The following DTD1 variants were observed in gnomAD, a reference collection of about 807,000 sequenced individuals.
The protein encoded by DTD1 is D-tyrosyl-tRNA deacylase 1 homolog.
DTD1 carries 13 observed loss-of-function variants against 25.6 expected under a neutral mutation model. The observed-to-expected ratio is 0.51, with a 90% CI of 0.33 to 0.81. The LOEUF is 0.81. DTD1 is among the 30% of genes least tolerant of loss of function. The pLI, the probability that DTD1 is intolerant of heterozygous loss-of-function variation, is 0.02. For missense variants in DTD1, 193 were observed against 266.4 expected (o/e 0.72, Z 1.92); for synonymous variants, 110 against 103.6 (o/e 1.06, Z -0.37).
At chr20:18,621,796 G>A (rs1430652807) in intron 3 of DTD1, among the ~76,000 whole-genome samples, 3 of 152,094 alleles carry the variant, frequency 2.0e-5, no homozygotes, top group African/African-American at 7.2e-5. Context: ...CAGGCGTGGT[G>A]GCTCACGCCT....
intron 1 of DTD1, among the ~76,000 whole-genome samples, chr20:18,593,433 A>G (rs544068846): frequency 6.6e-6 from 1 of 152,326 alleles, no homozygotes; most frequent in South Asian, 2.1e-4. Context: ...ACTTGACCAT[A>G]GAAAATTTTG....
intron 3 of DTD1, among the ~76,000 whole-genome samples, chr20:18,596,450 C>T (rs1219390050): frequency 6.6e-6 from 1 of 152,216 alleles, no homozygotes; most frequent in Non-Finnish European, 1.5e-5. Context: ...GCCCTCCTCC[C>T]TTCTTCTGTT....
chr20:18,610,139 A>C (rs1362564429), intron 3 of DTD1, among the ~76,000 whole-genome samples: 8 of 152,262 alleles, frequency 5.3e-5, no homozygotes, highest in Non-Finnish European at 1.2e-4. Context: ...AGGCATTTTA[A>C]ATGGGTGAAC....
chr20:18,610,640 TG>T (rs1798863929), intron 3 of DTD1, among the ~76,000 whole-genome samples: 1 of 152,190 alleles, frequency 6.6e-6, no homozygotes, highest in South Asian at 2.1e-4. Flanking sequence ...CTGGGTATGG[TG>T]GCTCTTGCCT....
chr20:18,669,882 A>G (rs2060945539), intron 4 of DTD1, among the ~76,000 whole-genome samples: 1 of 151,978 alleles, frequency 6.6e-6, no homozygotes, highest in Middle Eastern at 3.2e-3. Context: ...CTCCAGTTCC[A>G]TTGGGGGTAA....
At chr20:18,706,358 C>T (rs2061126596) in intron 4 of DTD1, among the ~76,000 whole-genome samples, 1 of 152,194 alleles carries the variant, frequency 6.6e-6, no homozygotes, top group South Asian at 2.1e-4. Flanking sequence ...TTATGAAAAG[C>T]ATCATTGAAA....
intron 5 of DTD1, among the ~76,000 whole-genome samples, chr20:18,760,087 A>C (rs2061355457): frequency 6.6e-6 from 1 of 152,166 alleles, no homozygotes; most frequent in East Asian, 1.9e-4. Context: ...CAGCTCCATC[A>C]GGTCCTTTAA....
At chr20:18,607,207 A>G (rs1029751360) in intron 3 of DTD1, among the ~76,000 whole-genome samples, 12 of 152,288 alleles carry the variant, frequency 7.9e-5, no homozygotes, top group African/African-American at 2.9e-4. Context: ...ACTGTTGTCC[A>G]GGCTGGAGTG....
intron 1 of DTD1, among the ~76,000 whole-genome samples, chr20:18,591,339 A>G (rs2060588577): frequency 6.6e-6 from 1 of 152,232 alleles, no homozygotes; most frequent in Non-Finnish European, 1.5e-5. Context: ...AAAAGGCTTT[A>G]GTGTACGAAG....
At chr20:18,686,626 T>C (rs115128096) in intron 4 of DTD1, among the ~76,000 whole-genome samples, 15 of 150,754 alleles carry the variant, frequency 9.9e-5, no homozygotes, top group African/African-American at 3.4e-4. Context: ...GGTTGAACCT[T>C]TTAAACATAT....
At chr20:18,738,369 G>A (rs6045578) in intron 4 of DTD1, among the ~76,000 whole-genome samples, 72,019 of 152,030 alleles carry the variant, frequency 0.47, 17,832 homozygotes, top group East Asian at 0.59. Context: ...AACTTCAAGT[G>A]CCACAAACCT....
intron 4 of DTD1, chr20:18,632,377 C>A (rs1195788172): frequency 1.0e-6 from 1 of 985,468 alleles, no homozygotes; most frequent in East Asian, 1.1e-4. Flanking sequence ...CGCTCTGCCC[C>A]TAGCTCTCCA....
At chr20:18,690,465 T>C (rs2061041527) in intron 4 of DTD1, among the ~76,000 whole-genome samples, 1 of 152,256 alleles carries the variant, frequency 6.6e-6, no homozygotes, top group Non-Finnish European at 1.5e-5. Context: ...TTCAGTATTT[T>C]TATAGTTCGA....
rs943628671 is a variant in DTD1 at position 18,710,780 on chromosome 20, C to T, written c.478-33320C>T. Among the ~76,000 whole-genome samples the T allele has an allele frequency of 2.6e-5, 4 of 152,142 alleles. No homozygotes were observed. In the East Asian group the frequency reaches 7.7e-4, roughly 29 times the overall value. The stretch of plus-strand genomic sequence containing the variant: ...ACCAATGTAATTGGACGGTGACATG[C>T]CTCTGGCCCTGGATGATAGTGCCAC... On this transcript the variant is annotated intron_variant, in intron 4 of 5. Transcript: ENST00000377452.
At chr20:18,724,519 G>T (rs149895929) in intron 4 of DTD1, among the ~76,000 whole-genome samples, 6 of 152,050 alleles carry the variant, frequency 3.9e-5, no homozygotes, top group Admixed American at 3.9e-4. Context: ...TAAGTGATTA[G>T]ATTTCTAGAG....
intron 4 of DTD1, chr20:18,632,452 CCT>C: frequency 5.1e-6 from 5 of 985,422 alleles, no homozygotes; most frequent in Non-Finnish European, 4.8e-6. Flanking sequence ...GTGCCTGGGG[CCT>C]CTCTCTGCCT....
intron 3 of DTD1, among the ~76,000 whole-genome samples, chr20:18,614,121 A>G (rs568872648): frequency 6.6e-6 from 1 of 150,962 alleles, no homozygotes; most frequent in East Asian, 2.0e-4. Flanking sequence ...TCTTTTAAAA[A>G]CTCTCTGAGC....
At chr20:18,683,385 C>A (rs1265086581) in intron 4 of DTD1, among the ~76,000 whole-genome samples, 1 of 152,168 alleles carries the variant, frequency 6.6e-6, no homozygotes, top group African/African-American at 2.4e-5. Flanking sequence ...TTGTCTAAGA[C>A]ATTATGGGTA....
In DTD1 at chr20:18,693,179, C is replaced by G. The variant is rs573798466; in HGVS notation, c.478-50921C>G. On this transcript the variant is annotated intron_variant, in intron 4 of 5. Coordinates refer to ENST00000377452, the MANE Select transcript of DTD1 (RefSeq NM_080820.6). ...AAATGCTGGGATTACAGGCGTAAGC[C>G]ACTGCACCCGGCCAACAAAATTATC... 6.6e-5 allele frequency among the ~76,000 whole-genome samples: 10 copies of G among 152,326 alleles called. No homozygotes were observed. In the South Asian group the frequency reaches 1.9e-3, roughly 28 times the overall value.
Sources: allele counts gnomAD v4.1 joint callset (sites outside exome capture counted in the v4.1 genomes callset), GRCh38; gene constraint gnomAD v4.1.1; transcripts MANE v1.5; gene names NCBI Gene and HGNC (gene_info 2026-07-23, HGNC 2026-07-21).